USP24: variants seen among roughly 807,000 people sequenced by gnomAD.
The protein encoded by USP24 is ubiquitin carboxyl-terminal hydrolase 24.
USP24 carries 97 observed loss-of-function variants against 361.6 expected under a neutral mutation model. That is an observed-to-expected ratio of 0.27 (90% CI 0.23 to 0.32). USP24 has a LOEUF of 0.32. Among genes scored for constraint, USP24 ranks in the 10% least tolerant of loss-of-function variants. USP24 has a pLI of 1.00. For synonymous variants in USP24, 1,098 were observed against 1,124.6 expected, an observed-to-expected ratio of 0.98 and a Z score of 0.47; for missense variants, 2,353 against 3,165.6, an observed-to-expected ratio of 0.74 and a Z score of 6.16.
intron 43 of USP24, 64 bp downstream of exon 43, chr1:55,101,520 A>T: frequency 6.5e-7 from 1 of 1,545,036 alleles, no homozygotes; most frequent in Non-Finnish European, 8.7e-7. Flanking sequence ...AAAAACTATG[A>T]AACAATTTTC....
chr1:55,156,481 G>A (rs1027569183), intron 12 of USP24, among the ~76,000 whole-genome samples: 2 of 152,022 alleles, frequency 1.3e-5, no homozygotes, highest in Non-Finnish European at 2.9e-5. Flanking sequence ...AATGGACTAT[G>A]ACCAAAGTGA....
intron 56 of USP24, among the ~76,000 whole-genome samples, chr1:55,085,064 C>G (rs1052871486): frequency 6.6e-6 from 1 of 152,036 alleles, no homozygotes; most frequent in South Asian, 2.1e-4. Flanking sequence ...GGCTTGTATT[C>G]TATATTTTGC....
chr1:55,135,431 C>A (rs1646706812), intron 28 of USP24, among the ~76,000 whole-genome samples: 1 of 152,204 alleles, frequency 6.6e-6, no homozygotes, highest in Non-Finnish European at 1.5e-5. Context: ...CATGCCTGAC[C>A]TCATGTAACC....
Position 55,125,300 on chromosome 1 carries a change from T to C in USP24, c.3960+20A>G. 6.2e-7 allele frequency: 1 copy of C among 1,608,874 alleles called. No individual in the cohort carries two copies. The highest frequency in any genetic ancestry group is 8.5e-7 in the Non-Finnish European group (1 of 1,175,304). On this transcript the variant is annotated intron_variant, in intron 34 of 67. Coordinates refer to ENST00000294383, the MANE Select transcript of USP24 (RefSeq NM_015306.3). ...CTGAATAAGAGGGACTAAAATGTCT[T>C]GAATACACAAATCACTTACTTGTAT...
intron 23 of USP24, among the ~76,000 whole-genome samples, chr1:55,142,312 TACTA>T (rs756218802): frequency 1.2e-4 from 18 of 152,186 alleles, no homozygotes; most frequent in Non-Finnish European, 2.4e-4. Flanking sequence ...TACCACCTAC[TACTA>T]ACTGTCTTGC....
chr1:55,178,837 G>A (rs1478721681), intron 1 of USP24, among the ~76,000 whole-genome samples: 2 of 152,080 alleles, frequency 1.3e-5, no homozygotes, highest in African/African-American at 4.8e-5. Flanking sequence ...ACCAGCCTGA[G>A]CAACAGAGTG....
At chr1:55,178,153 T>C (rs1219320030) in intron 1 of USP24, 21 bp from the exon 2 acceptor site, 1 of 1,440,858 alleles carries the variant, frequency 6.9e-7, no homozygotes, top group Admixed American at 2.6e-5. Context: ...GGGATTAAGA[T>C]AAAAAGCAAA....
At chr1:55,092,195 C>A in intron 53 of USP24, 69 bp from the exon 54 acceptor site, 1 of 874,580 alleles carries the variant, frequency 1.1e-6, no homozygotes, top group Non-Finnish European at 1.8e-6. Flanking sequence ...CAGTTACGAA[C>A]TAAATTATGA....
rs140900965 is a variant in USP24 at position 55,068,912 on chromosome 1, C to T, written c.*133G>A. On this transcript the variant is annotated 3_prime_UTR_variant, in exon 68 of 68. Transcript: ENST00000294383. ...AAAAATGCTTTCCTTGAGAAATACA[C>T]GATCCGCCCAAGTCACAGCAGCTTT... is the stretch of plus-strand genomic sequence containing the variant. 994 of 930,624 alleles carry T rather than the reference C, an allele frequency of 1.1e-3. 2 individuals are homozygous for T. The highest frequency in any genetic ancestry group is 2.0e-3 in the South Asian group (125 of 62,186). The allele number at this position is 930,624 out of a possible 1,614,324, so 57.6% of individuals were successfully genotyped here. A position where few individuals can be genotyped will look rare whatever the true frequency, so the allele number is the denominator to read the frequency against.
At chr1:55,147,112 A>C (rs1419858402) in intron 18 of USP24, 52 bp from the exon 19 acceptor site, 1 of 1,482,326 alleles carries the variant, frequency 6.7e-7, no homozygotes, top group East Asian at 2.5e-5. Flanking sequence ...CATTCCTAAA[A>C]GCAACATTAA....
intron 56 of USP24, among the ~76,000 whole-genome samples, chr1:55,084,731 AG>A (rs999845904): frequency 2.6e-5 from 4 of 151,988 alleles, no homozygotes; most frequent in African/African-American, 7.3e-5. Flanking sequence ...TTACGGGGGG[AG>A]GGGGGCAAAT....
rs796766368 is a variant in USP24, at chr1:55,125,754, C to G, written c.3640G>C (p.Val1214Leu). The change falls in exon 33 of 68, where the codon GTT (valine) becomes CTT (leucine). Residue 1214 changes from valine (V) to leucine (L), a missense_variant. Coordinates refer to ENST00000294383, the MANE Select transcript of USP24 (RefSeq NM_015306.3). ...GAGTCTCTCTGCATGACATTTACAA[C>G]CAAACTTCAAAAAGAAGAAAAAAAG... ...NFLKAGGLSL[V>L]VNVMQRDSIP... 22 of 1,572,474 alleles carry G rather than the reference C, an allele frequency of 1.4e-5. No homozygotes were observed. The highest frequency in any genetic ancestry group is 1.9e-5 in the Non-Finnish European group (22 of 1,158,426).
chr1:55,184,754 TA>T (rs1297199593), intron 1 of USP24, among the ~76,000 whole-genome samples: 1 of 152,178 alleles, frequency 6.6e-6, no homozygotes, highest in African/African-American at 2.4e-5. Context: ...GCAATGGAAT[TA>T]AAAATCAACA....
chr1:55,202,808 A>G (rs1223199920), intron 1 of USP24, among the ~76,000 whole-genome samples: 1 of 152,220 alleles, frequency 6.6e-6, no homozygotes, highest in African/African-American at 2.4e-5. Flanking sequence ...TAGTCGAGAG[A>G]CCACAGCACC....
intron 34 of USP24, among the ~76,000 whole-genome samples, chr1:55,125,020 A>G (rs1194124065): frequency 6.6e-6 from 1 of 152,140 alleles, no homozygotes; most frequent in African/African-American, 2.4e-5. Context: ...CTGTTCTTCA[A>G]GGCCTAGCTC....
intron 31 of USP24, among the ~76,000 whole-genome samples, chr1:55,131,895 G>A (rs1222944789): frequency 6.6e-6 from 1 of 152,136 alleles, no homozygotes; most frequent in Non-Finnish European, 1.5e-5. Flanking sequence ...AGAGTGGTAT[G>A]AGGGTCTGAC....
intron 30 of USP24, among the ~76,000 whole-genome samples, chr1:55,133,291 T>C (rs1315317248): frequency 6.6e-6 from 1 of 152,144 alleles, no homozygotes; most frequent in Admixed American, 6.6e-5. Flanking sequence ...GGAACAACAT[T>C]CTAACAATTA....
chr1:55,135,625 C>G (rs1292193718), intron 28 of USP24, among the ~76,000 whole-genome samples: 2 of 152,160 alleles, frequency 1.3e-5, no homozygotes, highest in Non-Finnish European at 2.9e-5. Context: ...GACTACTCAA[C>G]TTGCACTAAA....
At chr1:55,078,496 T>G (rs1557529370) in intron 61 of USP24, 42 bp downstream of exon 61, 2 of 1,529,520 alleles carry the variant, frequency 1.3e-6, no homozygotes, top group Non-Finnish European at 8.9e-7. Context: ...AGAGTCTCAC[T>G]TAAAGGCTAT....
Sources: allele counts gnomAD v4.1 joint callset (sites outside exome capture counted in the v4.1 genomes callset), GRCh38; gene constraint gnomAD v4.1.1; transcripts MANE v1.5; gene names NCBI Gene and HGNC (gene_info 2026-07-23, HGNC 2026-07-21).